ASXL3: variants seen among roughly 807,000 people sequenced by gnomAD.
ASXL3 encodes the protein ASXL transcriptional regulator 3.
In ASXL3, 34 loss-of-function variants were observed where a neutral mutation model predicts 170.6. The ratio of observed to expected loss-of-function variants is 0.20; its 90% CI spans 0.15 to 0.27. ASXL3 has a LOEUF of 0.27. Ranked by LOEUF, ASXL3 falls within the 10% of genes least tolerant of loss-of-function variation. The pLI is 1.00. For missense variants in ASXL3, 2,592 were observed against 2,695.3 expected (o/e 0.96, Z 0.85); for synonymous variants, 1,002 against 989.1 (o/e 1.01, Z -0.24).
chr18:33,596,116 A>G (rs12961115), intron 1 of ASXL3, among the ~76,000 whole-genome samples: 1 of 152,164 alleles, frequency 6.6e-6, no homozygotes, highest in African/African-American at 2.4e-5. Flanking sequence ...TAACAATTCC[A>G]TAGAATCTGA....
chr18:33,717,750 T>C (rs1309981445), intron 8 of ASXL3, among the ~76,000 whole-genome samples: 3 of 152,100 alleles, frequency 2.0e-5, no homozygotes, highest in Non-Finnish European at 4.4e-5. Flanking sequence ...TTTGGTTTGG[T>C]TTAGTTTTTT....
At chr18:33,709,764 T>G (rs2067024281) in intron 8 of ASXL3, among the ~76,000 whole-genome samples, 4 of 152,154 alleles carry the variant, frequency 2.6e-5, no homozygotes, top group African/African-American at 9.7e-5. Context: ...TCAAGGAAAA[T>G]ATGTCACATG....
At chr18:33,694,158 C>T (rs1434797779) in intron 8 of ASXL3, among the ~76,000 whole-genome samples, 1 of 152,116 alleles carries the variant, frequency 6.6e-6, no homozygotes, top group African/African-American at 2.4e-5. Context: ...ATAACTAGTT[C>T]TTCCCTCAAT....
intron 8 of ASXL3, among the ~76,000 whole-genome samples, chr18:33,729,170 G>A (rs1411718189): frequency 6.6e-6 from 1 of 152,166 alleles, no homozygotes; most frequent in Admixed American, 6.5e-5. Context: ...CCAAAGCCAG[G>A]GGTTAAATAG....
rs150558318 is a variant in ASXL3 at position 33,655,081 on chromosome 18, G to A, written c.356-6535G>A. 8.4e-3 allele frequency among the ~76,000 whole-genome samples: 1,275 copies of A among 152,024 alleles called. 8 individuals are homozygous for A. The highest frequency in any genetic ancestry group is 0.02 in the Middle Eastern group (6 of 294). ...TTTGTAGCCATTGTAATGAGGTGAT[G>A]GCATATCCATTTCTGTGGCAGGTGA... On this transcript the variant is annotated intron_variant, in intron 4 of 11. Coordinates refer to ENST00000269197, the MANE Select transcript of ASXL3 (RefSeq NM_030632.3).
At chr18:33,632,122 C>T (rs534792406) in intron 2 of ASXL3, among the ~76,000 whole-genome samples, 23 of 152,122 alleles carry the variant, frequency 1.5e-4, no homozygotes, top group African/African-American at 2.2e-4. Flanking sequence ...CTGGCCAGAT[C>T]GCCTAGATAG....
chr18:33,662,810 T>A (rs979360504), intron 5 of ASXL3, among the ~76,000 whole-genome samples: 1 of 152,024 alleles, frequency 6.6e-6, no homozygotes, highest in African/African-American at 2.4e-5. Context: ...AAAAGAAAAA[T>A]TATGTTTTCT....
At chr18:33,633,470 A>G (rs1423145980) in intron 2 of ASXL3, among the ~76,000 whole-genome samples, 1 of 152,232 alleles carries the variant, frequency 6.6e-6, no homozygotes, top group Non-Finnish European at 1.5e-5. Flanking sequence ...TTGATATGTT[A>G]CTTTTTGGTA....
intron 1 of ASXL3, among the ~76,000 whole-genome samples, chr18:33,599,688 A>ACC (rs1361544625): frequency 6.6e-6 from 1 of 152,162 alleles, no homozygotes; most frequent in African/African-American, 2.4e-5. Context: ...GCATGTAGAA[A>ACC]TCCAGTGGAG....
intron 8 of ASXL3, among the ~76,000 whole-genome samples, chr18:33,684,618 A>G (rs2066564266): frequency 6.6e-6 from 1 of 152,102 alleles, no homozygotes; most frequent in African/African-American, 2.4e-5. Flanking sequence ...TTTCAATAAC[A>G]TTTACTTAAT....
chr18:33,583,628 T>C (rs2145089154), intron 1 of ASXL3, among the ~76,000 whole-genome samples: 1 of 152,310 alleles, frequency 6.6e-6, no homozygotes. Flanking sequence ...TTTAGGTTGT[T>C]AATTTTTTAT....
intron 1 of ASXL3, among the ~76,000 whole-genome samples, chr18:33,603,795 T>C (rs1011241542): frequency 2.0e-5 from 3 of 152,090 alleles, no homozygotes; most frequent in African/African-American, 2.4e-5. Flanking sequence ...ATCTCAGAGA[T>C]TGAGTGAAGT....
intron 5 of ASXL3, among the ~76,000 whole-genome samples, chr18:33,666,316 C>CTGAT (rs2066255179): frequency 6.6e-6 from 1 of 152,156 alleles, no homozygotes; most frequent in African/African-American, 2.4e-5. Context: ...CTAAAATAGA[C>CTGAT]TGATTATGTA....
intron 8 of ASXL3, among the ~76,000 whole-genome samples, chr18:33,720,285 T>C (rs181256893): frequency 6.2e-4 from 93 of 151,186 alleles, no homozygotes; most frequent in Non-Finnish European, 1.1e-3. Flanking sequence ...GAAATGTTTG[T>C]TAAAGAAAGG....
intron 2 of ASXL3, among the ~76,000 whole-genome samples, chr18:33,610,905 A>G (rs2065327004): frequency 6.6e-6 from 1 of 152,112 alleles, no homozygotes; most frequent in Admixed American, 6.6e-5. Flanking sequence ...TTATCTGTGA[A>G]CAACTAAAGT....
intron 8 of ASXL3, among the ~76,000 whole-genome samples, chr18:33,718,138 T>C (rs774931410): frequency 7.9e-5 from 12 of 152,144 alleles, no homozygotes; most frequent in Non-Finnish European, 1.6e-4. Context: ...AACGAGTTCC[T>C]TCAACATTAA....
intron 4 of ASXL3, among the ~76,000 whole-genome samples, chr18:33,659,116 C>T (rs962393365): frequency 3.9e-5 from 6 of 151,908 alleles, no homozygotes; most frequent in Admixed American, 1.3e-4. Flanking sequence ...TAGCAGTTAC[C>T]CTCAGGAAGG....
At chr18:33,604,185 T>C (rs2065218341) in intron 1 of ASXL3, among the ~76,000 whole-genome samples, 1 of 152,072 alleles carries the variant, frequency 6.6e-6, no homozygotes, top group Non-Finnish European at 1.5e-5. Flanking sequence ...GAAAACATGA[T>C]TGTATACTCT....
At position 33,704,652 on chromosome 18, in the gene ASXL3, T is replaced by C. The variant is rs370462573; in HGVS notation, c.879+21084T>C. On this transcript the variant is annotated intron_variant, in intron 8 of 11. Coordinates refer to ENST00000269197, the MANE Select transcript of ASXL3 (RefSeq NM_030632.3). ...GTATTTTAAAACACAAGCATTGCCA[T>C]TGATAATGTGTGAAGTCAAAGATGT... Among the ~76,000 whole-genome samples the C allele has an allele frequency of 4.4e-4, 67 of 152,184 alleles. 1 individual carries two copies. The South Asian group carries it at 0.013, about 29-fold the overall frequency.
Sources: gnomAD v4.1 joint callset for allele counts (sites outside exome capture counted in the v4.1 genomes callset) on GRCh38, gnomAD v4.1.1 for gene constraint, MANE v1.5 for transcripts, NCBI Gene and HGNC (gene_info 2026-07-23, HGNC 2026-07-21) for gene names.